TMEM117: variants seen among roughly 807,000 people sequenced by gnomAD.
The protein encoded by TMEM117 is transmembrane protein 117.
A neutral mutation model predicts 52.4 loss-of-function variants in TMEM117; 27 were observed. That is an observed-to-expected ratio of 0.51 (90% confidence interval 0.38 to 0.71). TMEM117 has a LOEUF of 0.71. Among genes scored for constraint, TMEM117 ranks in the 30% least tolerant of loss-of-function variants. The pLI, the probability that TMEM117 is intolerant of heterozygous loss-of-function variation, is 0.00. For synonymous variants in TMEM117, 215 were observed against 206.3 expected (o/e 1.04, Z -0.36); for missense variants, 556 against 630.5 (o/e 0.88, Z 1.26).
intron 5 of TMEM117, among the ~76,000 whole-genome samples, chr12:44,272,039 C>T (rs576463053): frequency 6.6e-6 from 1 of 152,122 alleles, no homozygotes; most frequent in South Asian, 2.1e-4. Context: ...TGAGCTATCA[C>T]CTCATACTCG....
chr12:43,839,494 T>A (rs567264310), intron 1 of TMEM117, among the ~76,000 whole-genome samples: 2 of 152,314 alleles, frequency 1.3e-5, no homozygotes, highest in East Asian at 1.9e-4. Context: ...GTTCCCTCTA[T>A]CTGGATCACA....
At position 44,360,009 on chromosome 12, in the gene TMEM117, T is replaced by C. The variant is rs1951699688; in HGVS notation, c.769-16586T>C. Among the ~76,000 whole-genome samples the C allele has an allele frequency of 3.3e-5, 5 of 152,298 alleles. No individual in the cohort carries two copies. The South Asian group carries it at 8.3e-4, about 25-fold the overall frequency. On this transcript the variant is annotated intron_variant, in intron 6 of 7. Coordinates refer to ENST00000266534, the MANE Select transcript of TMEM117 (RefSeq NM_032256.3). ...TTGAATCTCAAAGAAAACATAAATTTGTACCTGTTTTTTAAAAGTAGATTT... is the reference window on the plus strand; with the variant it reads ...TTGAATCTCAAAGAAAACATAAATTCGTACCTGTTTTTTAAAAGTAGATTT...
intron 2 of TMEM117, among the ~76,000 whole-genome samples, chr12:43,918,352 C>G (rs1944639541): frequency 6.6e-6 from 1 of 152,142 alleles, no homozygotes; most frequent in Non-Finnish European, 1.5e-5. Context: ...TTTAGAACAT[C>G]TCTTGCAGGG....
chr12:44,132,633 C>T (rs1219591761), intron 3 of TMEM117, among the ~76,000 whole-genome samples: 2 of 152,128 alleles, frequency 1.3e-5, no homozygotes, highest in Admixed American at 1.3e-4. Flanking sequence ...TGACCATCCC[C>T]GTTCCTCAAC....
rs528213116 is a variant in TMEM117 at position 44,276,799 on chromosome 12, T to C, written c.609-22781T>C. Among the ~76,000 whole-genome samples, 225 of 152,146 alleles carry C rather than the reference T, an allele frequency of 1.5e-3. 2 individuals carry two copies. Among genetic ancestry groups the C allele is most frequent in the African/African-American group, 5.1e-3 (212 of 41,460 alleles). The stretch of plus-strand genomic sequence containing the variant: ...TCTAAAAGCTAATAAATTAAATAAA[T>C]TCAATTTAAAAATTAATTAGTGTGA... On this transcript the variant is annotated intron_variant, in intron 5 of 7. Coordinates refer to ENST00000266534, the MANE Select transcript of TMEM117 (RefSeq NM_032256.3).
intron 3 of TMEM117, among the ~76,000 whole-genome samples, chr12:44,011,235 A>G (rs1164710186): frequency 6.6e-6 from 1 of 152,178 alleles, no homozygotes; most frequent in Admixed American, 6.5e-5. Flanking sequence ...TGTAGGGGAT[A>G]CATTCTAAGA....
At chr12:43,956,898 C>T (rs1945317249) in intron 3 of TMEM117, among the ~76,000 whole-genome samples, 1 of 152,128 alleles carries the variant, frequency 6.6e-6, no homozygotes, top group Admixed American at 6.5e-5. Flanking sequence ...GACATGGAAT[C>T]AACCCAAATA....
intron 6 of TMEM117, among the ~76,000 whole-genome samples, chr12:44,330,849 A>G (rs996080786): frequency 1.3e-5 from 2 of 152,092 alleles, no homozygotes; most frequent in African/African-American, 4.8e-5. Context: ...CACACATGGA[A>G]GGAAACCTCC....
intron 4 of TMEM117, among the ~76,000 whole-genome samples, chr12:44,178,577 T>C (rs1278010248): frequency 6.6e-6 from 1 of 152,220 alleles, no homozygotes; most frequent in African/African-American, 2.4e-5. Context: ...GCTCTTTGGA[T>C]AAGGTCATTC....
intron 7 of TMEM117, among the ~76,000 whole-genome samples, chr12:44,381,084 T>G (rs1178057809): frequency 1.3e-5 from 2 of 152,164 alleles, no homozygotes; most frequent in Non-Finnish European, 2.9e-5. Context: ...CTCATCTGGA[T>G]CCCCCTTGAC....
chr12:44,214,189 C>T (rs990614672), intron 5 of TMEM117, among the ~76,000 whole-genome samples: 2 of 137,950 alleles, frequency 1.4e-5, no homozygotes, highest in African/African-American at 5.5e-5. Context: ...CTCTGTAGCC[C>T]AGGCTGGAGT....
chr12:44,380,308 A>G (rs189935379), intron 7 of TMEM117, among the ~76,000 whole-genome samples: 1 of 152,274 alleles, frequency 6.6e-6, no homozygotes, highest in East Asian at 1.9e-4. Context: ...CTGAGTGACC[A>G]CAGAGGAAGC....
chr12:44,228,556 A>G (rs964760952), intron 5 of TMEM117, among the ~76,000 whole-genome samples: 2 of 152,172 alleles, frequency 1.3e-5, no homozygotes, highest in African/African-American at 2.4e-5. Context: ...TATGTCATAA[A>G]GAAGATAAAG....
At chr12:44,377,254 T>G (rs995042345) in intron 7 of TMEM117, among the ~76,000 whole-genome samples, 1 of 152,070 alleles carries the variant, frequency 6.6e-6, no homozygotes, top group South Asian at 2.1e-4. Context: ...ATTGGATGGG[T>G]TTTTCACCAC....
intron 6 of TMEM117, among the ~76,000 whole-genome samples, chr12:44,305,103 AG>A (rs898022057): frequency 4.6e-5 from 7 of 152,308 alleles, no homozygotes; most frequent in Admixed American, 2.0e-4. Flanking sequence ...GGAGAGAGCC[AG>A]GCCTGGCAGT....
intron 3 of TMEM117, among the ~76,000 whole-genome samples, chr12:43,976,914 T>G (rs774494379): frequency 2.0e-5 from 3 of 152,164 alleles, no homozygotes; most frequent in Non-Finnish European, 4.4e-5. Flanking sequence ...AACATTCTTT[T>G]CTAATCAAGG....
chr12:44,304,989 G>A (rs895244464), intron 6 of TMEM117, among the ~76,000 whole-genome samples: 4 of 152,132 alleles, frequency 2.6e-5, no homozygotes, highest in African/African-American at 9.7e-5. Flanking sequence ...AGCCGCAGTG[G>A]GGTAGAGCAC....
chr12:44,115,110 A>G (rs1367611478), intron 3 of TMEM117, among the ~76,000 whole-genome samples: 1 of 152,212 alleles, frequency 6.6e-6, no homozygotes, highest in African/African-American at 2.4e-5. Flanking sequence ...TTCTGCATAC[A>G]TGGCAGACAT....
intron 3 of TMEM117, among the ~76,000 whole-genome samples, chr12:43,995,194 C>T (rs1259451946): frequency 1.3e-5 from 2 of 151,820 alleles, no homozygotes. Context: ...TTGCTTGGAC[C>T]CGGGAGGCGG....
Sources: allele counts gnomAD v4.1 joint callset (sites outside exome capture counted in the v4.1 genomes callset), GRCh38; gene constraint gnomAD v4.1.1; transcripts MANE v1.5; gene names NCBI Gene and HGNC (gene_info 2026-07-23, HGNC 2026-07-21).